The following SLC2A14 variants were observed in gnomAD, a reference collection of about 807,000 sequenced individuals.
SLC2A14 encodes the protein solute carrier family 2, facilitated glucose transporter member 14.
SLC2A14 carries 13 observed loss-of-function variants against 43.0 expected under a neutral mutation model. That is an observed-to-expected ratio of 0.30 (90% CI 0.20 to 0.48). SLC2A14 has a LOEUF of 0.48. SLC2A14 is among the 20% of genes least tolerant of loss of function. The probability of loss-of-function intolerance (pLI) is 0.99; values close to 1 mark genes in which losing one functional copy is unlikely to be tolerated. For missense variants in SLC2A14, 428 were observed against 620.4 expected (o/e 0.69, Z 3.29); for synonymous variants, 190 against 233.8 (o/e 0.81, Z 1.71).
At chr12:7,875,005 CAT>C, upstream of SLC2A14, among the ~76,000 whole-genome samples, 1 of 85,646 alleles carries the variant, frequency 1.2e-5, no homozygotes, top group South Asian at 3.3e-4. Flanking sequence ...TATATAAATA[CAT>C]ATATAAAAAT....
chr12:7,832,910 G>T, intron 2 of SLC2A14, 96 bp from the exon 3 acceptor site: 1 of 1,212,262 alleles, frequency 8.2e-7, no homozygotes, highest in South Asian at 1.3e-5. Context: ...AGGAGAATCT[G>T]ACCTATGAGT....
At chr12:7,875,688 C>A (rs1945452389), upstream of SLC2A14, among the ~76,000 whole-genome samples, 1 of 151,774 alleles carries the variant, frequency 6.6e-6, no homozygotes, top group African/African-American at 2.4e-5. Context: ...AAAGAGACAC[C>A]AGGGCCAGGC....
intron 2 of SLC2A14, among the ~76,000 whole-genome samples, chr12:7,861,453 G>C (rs1247553420): frequency 6.6e-6 from 1 of 151,948 alleles, no homozygotes; most frequent in East Asian, 1.9e-4. Flanking sequence ...TTAGGCAAAG[G>C]TGCCCTTTTG....
chr12:7,816,340 A>G (rs1397026478), intron 10 of SLC2A14, among the ~76,000 whole-genome samples: 2 of 48,312 alleles, frequency 4.1e-5, no homozygotes, highest in East Asian at 1.3e-3. Flanking sequence ...TCCTGACCTC[A>G]TGATCCACCC....
chr12:7,890,924 T>C (rs1047270078), intron 1 of SLC2A14: 7 of 1,465,980 alleles, frequency 4.8e-6, no homozygotes, highest in Middle Eastern at 1.8e-4. Context: ...GGCAAGTTTT[T>C]CCCTTTTTTA....
intron 7 of SLC2A14, 116 bp from the exon 8 acceptor site, chr12:7,821,441 G>C (rs1483533802): frequency 1.2e-6 from 1 of 813,010 alleles, no homozygotes; most frequent in African/African-American, 1.7e-5. Flanking sequence ...CCAGCACTTT[G>C]GGAGGCCAAG....
At chr12:7,826,858 C>CTCTTTCTT (rs1864417305) in intron 7 of SLC2A14, among the ~76,000 whole-genome samples, 1 of 43,192 alleles carries the variant, frequency 2.3e-5, no homozygotes, top group Non-Finnish European at 4.4e-5. Context: ...TCCTTCCTTT[C>CTCTTTCTT]TTTTTTCTTT....
chr12:7,831,640 G>A lies in SLC2A14; in HGVS notation c.236C>T (p.Ser79Phe), dbSNP rs146674572. The change falls in exon 4 of 11, where the codon TCC becomes TTC. Residue 79 changes from serine (S) to phenylalanine (F), a missense_variant. Transcript: ENST00000431042. The stretch of plus-strand genomic sequence containing the variant: ...GTTAACAAAGAGTCCGACGGAAAAG[G>A]AGCCGATCATACCCCCGACGGAAAA... Reference protein sequence around the residue: ...AIFSVGGMIGSFSVGLFVNRF... With the variant: ...AIFSVGGMIGFFSVGLFVNRF... The A allele has an allele frequency of 3.9e-4, 632 of 1,614,174 alleles. 3 individuals carry two copies. Among genetic ancestry groups the A allele is most frequent in the Middle Eastern group, 2.0e-3 (12 of 6,060 alleles).
rs775304011 is a variant in SLC2A14 at position 7,862,872 on chromosome 12, C to G, written c.18+6991G>C. 1.2e-4 allele frequency among the ~76,000 whole-genome samples: 19 copies of G among 152,030 alleles called. 1 individual carries two copies. Among genetic ancestry groups the G allele is most frequent in the Non-Finnish European group, 2.6e-4 (18 of 68,000 alleles). On this transcript the variant is annotated intron_variant, in intron 2 of 10. Coordinates refer to ENST00000431042, the MANE Select transcript of SLC2A14 (RefSeq NM_001286234.2). The stretch of plus-strand genomic sequence containing the variant: ...CTCTGTATCTAACTAATCTGATGGG[C>G]ACGTGGAGAACATTTGTATCTGGCT...
Position 7,856,638 on chromosome 12 carries a change from G to A in SLC2A14, c.18+13225C>T, listed in dbSNP as rs148145918. 4.9e-3 allele frequency among the ~76,000 whole-genome samples: 747 copies of A among 152,170 alleles called. 8 individuals are homozygous for A. The highest frequency in any genetic ancestry group is 0.016 in the African/African-American group (675 of 41,516). The stretch of plus-strand genomic sequence containing the variant: ...GAGGAAGAGCACTATTGACGGCATC[G>A]ATGGAGATGATTAAACGGAGCACCA... On this transcript the variant is annotated intron_variant, in intron 2 of 10. Transcript: ENST00000431042.
At position 7,842,625 on chromosome 12, in the gene SLC2A14, A is replaced by T. The variant is rs146209666; in HGVS notation, c.19-9811T>A. Among the ~76,000 whole-genome samples the T allele has an allele frequency of 3.0e-3, 450 of 152,218 alleles. 1 individual carries two copies. The highest frequency in any genetic ancestry group is 9.3e-3 in the African/African-American group (386 of 41,530). On this transcript the variant is annotated intron_variant, in intron 2 of 10. Coordinates refer to ENST00000431042, the MANE Select transcript of SLC2A14 (RefSeq NM_001286234.2). ...CTCTGTGTAGCTATCAGTGGGACACAATCACCAGGCTACCACCCCCCTCCC... is the reference window on the plus strand; with the variant it reads ...CTCTGTGTAGCTATCAGTGGGACACTATCACCAGGCTACCACCCCCCTCCC...
intron 2 of SLC2A14, among the ~76,000 whole-genome samples, chr12:7,856,627 T>C (rs184388600): frequency 9.2e-5 from 14 of 152,292 alleles, no homozygotes; most frequent in Admixed American, 2.6e-4. Flanking sequence ...AAGAGCACTA[T>C]TGACGGCATC....
chr12:7,863,978 G>A (rs1221601804), intron 2 of SLC2A14, among the ~76,000 whole-genome samples: 2 of 151,824 alleles, frequency 1.3e-5, no homozygotes, highest in African/African-American at 4.8e-5. Flanking sequence ...ACCATGCCTG[G>A]CTAATTTTTT....
At chr12:7,865,485 C>T (rs1276659217) in intron 2 of SLC2A14, among the ~76,000 whole-genome samples, 2 of 151,306 alleles carry the variant, frequency 1.3e-5, no homozygotes, top group East Asian at 1.9e-4. Flanking sequence ...TACAGTGAGC[C>T]GAGATCGTGC....
rs1315890802 is a variant in SLC2A14, at chr12:7,835,779, C to A, written c.19-2965G>T. Among the ~76,000 whole-genome samples, 6 of 152,212 alleles carry A rather than the reference C, an allele frequency of 3.9e-5. No individual in the cohort carries two copies. In the East Asian group the frequency reaches 1.2e-3, roughly 29 times the overall value. On this transcript the variant is annotated intron_variant, in intron 2 of 10. Coordinates refer to ENST00000431042, the MANE Select transcript of SLC2A14 (RefSeq NM_001286234.2). ...CAAAAAGCTAGTAACTGCTCTAAAACTTTGCTTGCATCTGTAATAGTCCTC... is the reference window on the plus strand; with the variant it reads ...CAAAAAGCTAGTAACTGCTCTAAAAATTTGCTTGCATCTGTAATAGTCCTC...
At chr12:7,859,313 C>T (rs186345741) in intron 2 of SLC2A14, among the ~76,000 whole-genome samples, 45 of 152,170 alleles carry the variant, frequency 3.0e-4, no homozygotes, top group Admixed American at 7.2e-4. Flanking sequence ...TCACTTGAAC[C>T]CAGGAGGCAG....
chr12:7,881,616 C>G (rs113210864), intron 1 of SLC2A14, among the ~76,000 whole-genome samples: 2 of 152,188 alleles, frequency 1.3e-5, no homozygotes, highest in African/African-American at 4.8e-5. Flanking sequence ...GCCTCCTGCT[C>G]CACGCGCCCA....
At chr12:7,839,771 C>T in intron 2 of SLC2A14, 1 of 450,938 alleles carries the variant, frequency 2.2e-6, no homozygotes, top group African/African-American at 2.0e-5. Flanking sequence ...GGAGTAATAC[C>T]CATACAGAAG....
Position 7,881,560 on chromosome 12 carries a change from T to G in SLC2A14, c.132+9436A>C, listed in dbSNP as rs11056289. On this transcript the variant is annotated intron_variant, in intron 1 of 9. Transcript: ENST00000539924. ...ACCTGCAGCCCGCCATGCCTGAGCC[T>G]CCCCGCTCCACCTCCGTGGGCTCCT... is the stretch of plus-strand genomic sequence containing the variant. Among the ~76,000 whole-genome samples the G allele has an allele frequency of 0.014, 2,078 of 152,162 alleles. 128 individuals are homozygous for G. The East Asian group carries it at 0.21, about 15-fold the overall frequency.
Sources: allele counts gnomAD v4.1 joint callset (sites outside exome capture counted in the v4.1 genomes callset), GRCh38; gene constraint gnomAD v4.1.1; transcripts MANE v1.5; gene names NCBI Gene and HGNC (gene_info 2026-07-23, HGNC 2026-07-21).